Variants in ISG20 observed in about 807,000 individuals in gnomAD.
ISG20 encodes interferon-stimulated gene 20 kDa protein.
ISG20 carries 8 observed loss-of-function variants against 11.1 expected under a neutral mutation model. The observed-to-expected ratio is 0.72, with a 90% CI of 0.42 to 1.30. The LOEUF (loss-of-function observed/expected upper bound fraction) is 1.30, where lower values mean the gene tolerates loss of function less well. Among genes scored for constraint, ISG20 ranks in the 50% most tolerant of loss-of-function variants. The probability of loss-of-function intolerance (pLI) is 0.01; values close to 1 mark genes in which losing one functional copy is unlikely to be tolerated. For missense variants in ISG20, 243 were observed against 250.2 expected (o/e 0.97, Z 0.19); for synonymous variants, 110 against 101.7 (o/e 1.08, Z -0.49).
intron 3 of ISG20, among the ~76,000 whole-genome samples, 200 bp downstream of exon 3, chr15:88,652,510 C>G (rs2058301335): frequency 6.6e-5 from 1 of 15,110 alleles, no homozygotes. Flanking sequence ...CCTCCTTCCC[C>G]TCCTCCTTCC....
At chr15:88,636,095 G>C (rs1269509339), upstream of ISG20, 1 of 152,278 alleles carries the variant, frequency 6.6e-6, no homozygotes, top group African/African-American at 2.4e-5. Context: ...AGTTGTCTCA[G>C]CCTGAGGCCA....
At position 88,650,633 on chromosome 15, in the gene ISG20, G is replaced by A; in HGVS notation, c.229-1477G>A. On this transcript the variant is annotated intron_variant, in intron 2 of 3. Coordinates refer to ENST00000306072, the MANE Select transcript of ISG20 (RefSeq NM_002201.6). The surrounding 1 kb of genome is among the most constrained non-coding windows in gnomAD (Gnocchi z 4.0). ...GGCCGTCAGTTAAGGCACCTTGAAGGCTGGGGGCTGGAACCATTGGAAGGT... is the reference window on the plus strand; with the variant it reads ...GGCCGTCAGTTAAGGCACCTTGAAGACTGGGGGCTGGAACCATTGGAAGGT... 3 of 388,082 alleles carry A rather than the reference G, an allele frequency of 7.7e-6. No homozygotes were observed. The highest frequency in any genetic ancestry group is 1.4e-5 in the Non-Finnish European group (3 of 217,008). 24.0% of individuals were successfully genotyped at this position (388,082 alleles called of 1,614,324 possible). A position where few individuals can be genotyped will look rare whatever the true frequency, so the allele number is the denominator to read the frequency against.
intron 2 of ISG20, among the ~76,000 whole-genome samples, chr15:88,642,306 C>T (rs2058095298): frequency 6.6e-6 from 1 of 152,176 alleles, no homozygotes; most frequent in African/African-American, 2.4e-5. Context: ...CTTCATCCTA[C>T]CTTAACTAAT....
At position 88,639,228 on chromosome 15, in the gene ISG20, G is replaced by A. The variant is rs866362956; in HGVS notation, c.-24-115G>A. 53 of 646,078 alleles carry A rather than the reference G, an allele frequency of 8.2e-5. 1 individual carries two copies. The African/African-American group carries it at 8.8e-4, about 11-fold the overall frequency. 40.0% of individuals were successfully genotyped at this position (646,078 alleles called of 1,614,324 possible). A position where few individuals can be genotyped will look rare whatever the true frequency, so the allele number is the denominator to read the frequency against. ...AGAGGCCAGCTTCCACTGTGGCCAG[G>A]TGGTGTCGGAAACAAAGGGCAGGGC... is the stretch of plus-strand genomic sequence containing the variant. On this transcript the variant is annotated intron_variant, in intron 1 of 3. Coordinates refer to ENST00000306072, the MANE Select transcript of ISG20 (RefSeq NM_002201.6). This position sits in a 1 kb window ranked among gnomAD's most constrained non-coding sequence, Gnocchi z 4.2.
intron 2 of ISG20, chr15:88,647,013 C>T (rs1053697376): frequency 1.3e-5 from 2 of 152,456 alleles, no homozygotes; most frequent in Non-Finnish European, 2.9e-5. Flanking sequence ...TCAAGCAATC[C>T]TCCTGCCTTG....
chr15:88,641,979 G>A (rs930849457), intron 2 of ISG20, among the ~76,000 whole-genome samples: 1 of 138,020 alleles, frequency 7.2e-6, no homozygotes, highest in African/African-American at 2.7e-5. Flanking sequence ...TGTTGTCTAG[G>A]CTGGACTGCA....
At chr15:88,642,536 A>G (rs2058099455) in intron 2 of ISG20, among the ~76,000 whole-genome samples, 1 of 152,226 alleles carries the variant, frequency 6.6e-6, no homozygotes, top group Admixed American at 6.5e-5. Flanking sequence ...CAGCAGCCAT[A>G]TGCTGCTAGT....
At position 88,643,346 on chromosome 15, in the gene ISG20, C is replaced by T. The variant is rs964558140; in HGVS notation, c.228+3752C>T. On this transcript the variant is annotated intron_variant, in intron 2 of 3. Coordinates refer to ENST00000306072, the MANE Select transcript of ISG20 (RefSeq NM_002201.6). The surrounding 1 kb of genome is among the most constrained non-coding windows in gnomAD (Gnocchi z 4.4). The stretch of plus-strand genomic sequence containing the variant: ...TTTGGATATGTTAGGTTAAATAAAA[C>T]GTTAAAATTAATTTCACCTATTTAC... 2.6e-5 allele frequency among the ~76,000 whole-genome samples: 4 copies of T among 152,082 alleles called. No individual in the cohort carries two copies. The highest frequency in any genetic ancestry group is 2.1e-4 in the South Asian group (1 of 4,814).
rs1221649016 is a variant in ISG20 at position 88,643,449 on chromosome 15, A to G, written c.228+3855A>G. Among the ~76,000 whole-genome samples the G allele has an allele frequency of 2.0e-5, 3 of 152,262 alleles. No homozygotes were observed. The highest frequency in any genetic ancestry group is 3.9e-4 in the East Asian group (2 of 5,188). ...CCAGGTGCAGTGGTTCACACCTGTA[A>G]TCTCAGCACTTTGGGAGGCTGAGGC... On this transcript the variant is annotated intron_variant, in intron 2 of 3. Transcript: ENST00000306072. This position sits in a 1 kb window ranked among gnomAD's most constrained non-coding sequence, Gnocchi z 4.4.
rs1259108262 is a variant in ISG20, at chr15:88,652,201, T to G, written c.320T>G (p.Ile107Ser). 1 of 1,613,986 alleles carries G rather than the reference T, an allele frequency of 6.2e-7. No homozygotes were observed. ...AAAGAGGACATGAGCGGCTACACAATCTACGACACGTCCACTGACAGGCTG... is the reference window on the plus strand; with the variant it reads ...AAAGAGGACATGAGCGGCTACACAAGCTACGACACGTCCACTGACAGGCTG... ...ALKEDMSGYT[I>S]YDTSTDRLLW... Residue 107 changes from isoleucine to serine, a missense_variant, in exon 3 of 4, where the codon ATC (isoleucine) becomes AGC (serine). Physicochemically the swap from Ile to Ser is moderately radical, Grantham distance 142. Coordinates refer to ENST00000306072, the MANE Select transcript of ISG20 (RefSeq NM_002201.6).
chr15:88,641,659 TCTTGCTCTGTCGC>T (rs1424701729), intron 2 of ISG20, among the ~76,000 whole-genome samples: 2 of 152,056 alleles, frequency 1.3e-5, no homozygotes, highest in African/African-American at 4.8e-5. Flanking sequence ...TGAGATGGAG[TCTTGCTCTGTCGC>T]CCAGGCTGGA....
chr15:88,655,485 G>T lies in ISG20; in HGVS notation c.500G>T (p.Arg167Ile). 6.2e-7 allele frequency: 1 copy of T among 1,613,810 alleles called. No individual in the cohort carries two copies. Among genetic ancestry groups the T allele is most frequent in the East Asian group, 2.2e-5 (1 of 44,886 alleles). Residue 167 changes from arginine to isoleucine, a missense_variant, in exon 4 of 4, where the codon AGA (arginine) becomes ATA (isoleucine). By Grantham distance (97) the Arg-to-Ile change is moderately conservative (BLOSUM62 -3). Coordinates refer to ENST00000306072, the MANE Select transcript of ISG20 (RefSeq NM_002201.6). ...ATGGAGCTCTATCAAATCTCCCAGA[G>T]AATCCGAGCCCGCCGAGGGCTGCCC... ...ATMELYQISQRIRARRGLPRL... is the reference protein window; with the variant it reads ...ATMELYQISQIIRARRGLPRL...
chr15:88,654,810 G>A (rs941499885), intron 3 of ISG20, among the ~76,000 whole-genome samples: 5 of 152,086 alleles, frequency 3.3e-5, no homozygotes, highest in African/African-American at 9.7e-5. Flanking sequence ...GAGGGCCCCC[G>A]ACTCCCATAG....
intron 3 of ISG20, among the ~76,000 whole-genome samples, chr15:88,653,469 G>A (rs1175966902): frequency 2.6e-5 from 4 of 152,168 alleles, no homozygotes; most frequent in African/African-American, 4.8e-5. Context: ...AATCATGTCC[G>A]GAGTAGGGAA....
Position 88,643,128 on chromosome 15 carries a change from G to A in ISG20, c.228+3534G>A, listed in dbSNP as rs960015204. ...TGCATACCTGTAGTCCCAGCTACTC[G>A]AGGAGGCTGAGGTGAAGTATTGCTT... On this transcript the variant is annotated intron_variant, in intron 2 of 3. Coordinates refer to ENST00000306072, the MANE Select transcript of ISG20 (RefSeq NM_002201.6). The surrounding 1 kb of genome is among the most constrained non-coding windows in gnomAD (Gnocchi z 4.4). Among the ~76,000 whole-genome samples the A allele has an allele frequency of 1.3e-5, 2 of 152,096 alleles. No individual in the cohort carries two copies. Among genetic ancestry groups the A allele is most frequent in the Admixed American group, 6.5e-5 (1 of 15,278 alleles).
chr15:88,639,109 G>A lies in ISG20; in HGVS notation c.-25+33G>A. On this transcript the variant is annotated intron_variant, in intron 1 of 3. Transcript: ENST00000306072. The surrounding 1 kb of genome is among the most constrained non-coding windows in gnomAD (Gnocchi z 4.2). ...CGGGAGCTGGAGCAGCAGCTGGGGA[G>A]GCAGCGGGAGGGGCCTTCCCGGTCC... The A allele has an allele frequency of 1.8e-6, 1 of 555,290 alleles. No homozygotes were observed. Among genetic ancestry groups the A allele is most frequent in the South Asian group, 2.3e-5 (1 of 44,334 alleles). The allele number at this position is 555,290 out of a possible 1,614,324, so 34.4% of individuals were successfully genotyped here.
rs8041679 is a variant in ISG20 at position 88,650,353 on chromosome 15, G to C, written c.229-1757G>C. The C allele has an allele frequency of 0.83, 1,274,950 of 1,534,210 alleles. 531,633 individuals are homozygous for C. The highest frequency in any genetic ancestry group is 0.89 in the Middle Eastern group (5,016 of 5,616). On this transcript the variant is annotated intron_variant, in intron 2 of 3. Coordinates refer to ENST00000306072, the MANE Select transcript of ISG20 (RefSeq NM_002201.6). This position sits in a 1 kb window ranked among gnomAD's most constrained non-coding sequence, Gnocchi z 4.0. ...AGGCGAGGAACGCGGGGCTGGGGCA[G>C]TCACAGCTGGGCGCCTGGGCTGCTG...
At chr15:88,646,721 C>T (rs1323528232) in intron 2 of ISG20, among the ~76,000 whole-genome samples, 2 of 152,232 alleles carry the variant, frequency 1.3e-5, no homozygotes, top group African/African-American at 4.8e-5. Context: ...GGCCAGGTGA[C>T]ACCTCTCAGG....
In ISG20 at chr15:88,639,502, G is replaced by C. The variant is rs770868397; in HGVS notation, c.136G>C (p.Glu46Gln). 1.1e-5 allele frequency: 17 copies of C among 1,614,208 alleles called. No individual in the cohort carries two copies. Among genetic ancestry groups the C allele is most frequent in the Admixed American group, 1.7e-5 (1 of 60,022 alleles). ...GCTGTACGACAAGTTCATCCGGCCT[G>C]AGGGAGAGATCACCGATTACAGAAC... Reference protein sequence around the residue: ...AVLYDKFIRPEGEITDYRTRV... With the variant: ...AVLYDKFIRPQGEITDYRTRV... The change falls in exon 2 of 4, where the codon GAG becomes CAG. Residue 46 changes from glutamate to glutamine, a missense_variant. Glu to Gln is a conservative substitution (Grantham distance 29, BLOSUM62 2). Coordinates refer to ENST00000306072, the MANE Select transcript of ISG20 (RefSeq NM_002201.6). The surrounding 1 kb of genome is among the most constrained non-coding windows in gnomAD (Gnocchi z 4.2).
Sources: allele counts gnomAD v4.1 joint callset (sites outside exome capture counted in the v4.1 genomes callset), GRCh38; gene constraint gnomAD v4.1.1; non-coding constraint Gnocchi (gnomAD v3.1); transcripts MANE v1.5; gene names NCBI Gene and HGNC (gene_info 2026-07-23, HGNC 2026-07-21).